The following URM1 variants were observed in gnomAD, a reference collection of about 807,000 sequenced individuals.
URM1 encodes the protein ubiquitin-related modifier 1.
Under a neutral mutation model 17.7 loss-of-function variants are expected in URM1, and 11 were observed. That is an observed-to-expected ratio of 0.62 (90% CI 0.39 to 1.03). URM1 has a LOEUF of 1.03. URM1 is among the 50% of genes least tolerant of loss of function. The probability of loss-of-function intolerance (pLI) is 0.00; values close to 1 mark genes in which losing one functional copy is unlikely to be tolerated. For synonymous variants in URM1, 48 were observed against 50.6 expected, an observed-to-expected ratio of 0.95 and a Z score of 0.22; for missense variants, 128 against 129.2, an observed-to-expected ratio of 0.99 and a Z score of 0.04.
intron 2 of URM1, among the ~76,000 whole-genome samples, chr9:128,384,856 G>A (rs1220632881): frequency 6.6e-6 from 1 of 152,068 alleles, no homozygotes; most frequent in East Asian, 1.9e-4. Context: ...CTCAAAACCA[G>A]GCCTGTCTGA....
At chr9:128,381,654 TC>T (rs1312033001) in intron 2 of URM1, among the ~76,000 whole-genome samples, 1 of 152,250 alleles carries the variant, frequency 6.6e-6, no homozygotes, top group Non-Finnish European at 1.5e-5. Flanking sequence ...GCCACTGCAC[TC>T]CAGCCTGGGC....
intron 4 of URM1, 178 bp downstream of exon 4, chr9:128,389,487 G>C (rs1833276195): frequency 6.4e-7 from 1 of 1,557,862 alleles, no homozygotes; most frequent in African/African-American, 1.4e-5. Context: ...GGGTAGCTGG[G>C]GACATGGGAG....
chr9:128,381,599 C>T (rs891511357), intron 2 of URM1, among the ~76,000 whole-genome samples: 1 of 152,220 alleles, frequency 6.6e-6, no homozygotes, highest in African/African-American at 2.4e-5. Flanking sequence ...GCAGGAGAAT[C>T]GCTTGAACCC....
intron 2 of URM1, among the ~76,000 whole-genome samples, chr9:128,386,280 AGGCCAAGGGGATTCAG>A (rs1351361158): frequency 6.6e-6 from 1 of 152,128 alleles, no homozygotes; most frequent in African/African-American, 2.4e-5. Context: ...ACCAAGATGG[AGGCCAAGGGGATTCAG>A]AGCCAAGGGG....
chr9:128,390,046 C>T lies in URM1; in HGVS notation c.*312C>T, dbSNP rs1833288927. On this transcript the variant is annotated 3_prime_UTR_variant, in exon 5 of 5. Coordinates refer to ENST00000372853, the MANE Select transcript of URM1 (RefSeq NM_030914.4). ...GTGGCCAGGTGACCTGGCTGCCTTC[C>T]ACTCCTTGTACCTCAGTCTAAACAT... is the stretch of plus-strand genomic sequence containing the variant. 3.1e-5 allele frequency: 14 copies of T among 445,156 alleles called. No individual in the cohort carries two copies. In the South Asian group the frequency reaches 3.4e-4, roughly 11 times the overall value. 27.6% of individuals were successfully genotyped at this position (445,156 alleles called of 1,614,324 possible).
chr9:128,386,493 G>A (rs1484250503), intron 2 of URM1, among the ~76,000 whole-genome samples: 2 of 152,358 alleles, frequency 1.3e-5, no homozygotes, highest in African/African-American at 2.4e-5. Context: ...CACTTTGCCC[G>A]TGGCCCTGTG....
chr9:128,389,945 G>T lies in URM1; in HGVS notation c.*211G>T, dbSNP rs1186223290. ...CAGCGGAAGGCAGACAGGCGCCAGAGCCCAGCACTCCCTTTTCCAGCAGCT... is the reference window on the plus strand; with the variant it reads ...CAGCGGAAGGCAGACAGGCGCCAGATCCCAGCACTCCCTTTTCCAGCAGCT... On this transcript the variant is annotated 3_prime_UTR_variant, in exon 5 of 5. Coordinates refer to ENST00000372853, the MANE Select transcript of URM1 (RefSeq NM_030914.4). 1.6e-6 allele frequency: 1 copy of T among 624,070 alleles called. No homozygotes were observed. Among genetic ancestry groups the T allele is most frequent in the African/African-American group, 1.8e-5 (1 of 54,090 alleles). 38.7% of individuals were successfully genotyped at this position (624,070 alleles called of 1,614,324 possible).
At chr9:128,382,604 G>A (rs762183641) in intron 2 of URM1, among the ~76,000 whole-genome samples, 7 of 152,188 alleles carry the variant, frequency 4.6e-5, no homozygotes, top group East Asian at 1.9e-4. Flanking sequence ...GTGAGACTGC[G>A]AGAGAGGAAG....
At chr9:128,386,342 G>A (rs1289956123) in intron 2 of URM1, among the ~76,000 whole-genome samples, 1 of 152,218 alleles carries the variant, frequency 6.6e-6, no homozygotes, top group East Asian at 1.9e-4. Flanking sequence ...GAGGAACCCA[G>A]CCAGGAGTCC....
chr9:128,388,319 T>C, intron 3 of URM1: 1 of 1,016,020 alleles, frequency 9.8e-7, no homozygotes, highest in Non-Finnish European at 1.2e-6. Context: ...TACCATACAG[T>C]GCAGCACGGG....
chr9:128,374,471 C>A (rs1232907286), intron 1 of URM1, among the ~76,000 whole-genome samples: 2 of 152,004 alleles, frequency 1.3e-5, no homozygotes, highest in Admixed American at 1.3e-4. Flanking sequence ...GCCAACCCCC[C>A]ACCCAGGAGA....
chr9:128,377,904 G>T (rs1359742210), intron 1 of URM1, 132 bp from the exon 2 acceptor site: 4 of 819,194 alleles, frequency 4.9e-6, no homozygotes, highest in Non-Finnish European at 8.1e-6. Flanking sequence ...TGCACCCAAG[G>T]TGTTTCTGCA....
At chr9:128,374,516 C>T (rs1469966447) in intron 1 of URM1, among the ~76,000 whole-genome samples, 1 of 151,892 alleles carries the variant, frequency 6.6e-6, no homozygotes, top group African/African-American at 2.4e-5. Flanking sequence ...AATGGAGGCT[C>T]TGTGCAGGCT....
chr9:128,379,627 G>A (rs1410072244), intron 2 of URM1, among the ~76,000 whole-genome samples: 6 of 151,950 alleles, frequency 3.9e-5, no homozygotes, highest in East Asian at 3.9e-4. Flanking sequence ...GTGAAACCCC[G>A]TCTCTACTAA....
intron 2 of URM1, among the ~76,000 whole-genome samples, chr9:128,380,631 T>C (rs1588582479): frequency 6.6e-6 from 1 of 152,134 alleles, no homozygotes; most frequent in East Asian, 1.9e-4. Flanking sequence ...TTCTTTTTTT[T>C]TTCTTTTCTT....
At position 128,389,779 on chromosome 9, in the gene URM1, C is replaced by A; in HGVS notation, c.*45C>A. 1 of 1,612,046 alleles carries A rather than the reference C, an allele frequency of 6.2e-7. No homozygotes were observed. The highest frequency in any genetic ancestry group is 8.5e-7 in the Non-Finnish European group (1 of 1,179,194). Reference sequence around the variant, plus strand: ...GGCACCCTTAGAGGGGAGAACGAAGCAATCAGACATCCCCTTGGGCCCTGC... The same window carrying A: ...GGCACCCTTAGAGGGGAGAACGAAGAAATCAGACATCCCCTTGGGCCCTGC... On this transcript the variant is annotated 3_prime_UTR_variant, in exon 5 of 5. Coordinates refer to ENST00000372853, the MANE Select transcript of URM1 (RefSeq NM_030914.4).
chr9:128,386,150 C>T (rs991444200), intron 2 of URM1, among the ~76,000 whole-genome samples: 1 of 152,200 alleles, frequency 6.6e-6, no homozygotes, highest in Non-Finnish European at 1.5e-5. Context: ...CAGACCTTCT[C>T]GCCGCCTCCA....
intron 2 of URM1, among the ~76,000 whole-genome samples, chr9:128,378,460 C>T (rs897800441): frequency 2.9e-5 from 4 of 138,414 alleles, no homozygotes; most frequent in African/African-American, 5.4e-5. Flanking sequence ...TTGCTTGAAC[C>T]GGAACCTGGG....
intron 1 of URM1, among the ~76,000 whole-genome samples, chr9:128,377,459 G>A (rs954758545): frequency 6.6e-5 from 10 of 152,140 alleles, no homozygotes; most frequent in African/African-American, 2.4e-4. Flanking sequence ...GATCACCTGA[G>A]GTCAAGAGTT....
Sources: allele counts gnomAD v4.1 joint callset (sites outside exome capture counted in the v4.1 genomes callset), GRCh38; gene constraint gnomAD v4.1.1; transcripts MANE v1.5; gene names NCBI Gene and HGNC (gene_info 2026-07-23, HGNC 2026-07-21).